SHOC2: variants seen among roughly 807,000 people sequenced by gnomAD.
SHOC2 encodes SHOC2 leucine rich repeat scaffold protein, also known as leucine-rich repeat protein SHOC-2.
Under a neutral mutation model 50.2 loss-of-function variants are expected in SHOC2, and 4 were observed. The ratio of observed to expected loss-of-function variants is 0.08; its 90% CI spans 0.04 to 0.18. SHOC2 has a LOEUF of 0.18. SHOC2 is among the 10% of genes least tolerant of loss of function. The pLI is 1.00. For synonymous variants in SHOC2, 218 were observed against 244.5 expected (o/e 0.89, Z 1.01); for missense variants, 388 against 669.6 (o/e 0.58, Z 4.64).
chr10:110,989,182 T>C (rs1848136138), intron 3 of SHOC2, among the ~76,000 whole-genome samples: 1 of 152,188 alleles, frequency 6.6e-6, no homozygotes, highest in South Asian at 2.1e-4. Flanking sequence ...TTGGGTGGAG[T>C]GATCCATAAA....
At chr10:110,956,735 A>G (rs1380371666) in intron 1 of SHOC2, among the ~76,000 whole-genome samples, 1 of 152,124 alleles carries the variant, frequency 6.6e-6, no homozygotes, top group Non-Finnish European at 1.5e-5. Context: ...TGCCTCTGTT[A>G]CCTTATATAA....
chr10:110,938,460 TA>T (rs1847071861), intron 1 of SHOC2, among the ~76,000 whole-genome samples: 2 of 152,122 alleles, frequency 1.3e-5, no homozygotes, highest in Admixed American at 6.5e-5. Context: ...ATTACATTTT[TA>T]ATAATTTATA....
chr10:110,978,011 G>T (rs1300628245), intron 2 of SHOC2, among the ~76,000 whole-genome samples: 1 of 152,154 alleles, frequency 6.6e-6, no homozygotes, highest in Non-Finnish European at 1.5e-5. Context: ...CTCCAGTTCT[G>T]CCTCCCAAAT....
At chr10:110,920,900 C>T (rs1015063300) in intron 1 of SHOC2, among the ~76,000 whole-genome samples, 1 of 152,160 alleles carries the variant, frequency 6.6e-6, no homozygotes, top group African/African-American at 2.4e-5. Context: ...TTCTTAGATA[C>T]CGAGTGCGTC....
chr10:110,967,315 A>G (rs1847694564), intron 2 of SHOC2, among the ~76,000 whole-genome samples: 1 of 152,238 alleles, frequency 6.6e-6, no homozygotes, highest in Non-Finnish European at 1.5e-5. Context: ...TCTCCCCACA[A>G]TCTAGAAAAA....
intron 2 of SHOC2, among the ~76,000 whole-genome samples, chr10:110,978,327 T>C (rs1161313194): frequency 1.3e-5 from 2 of 152,232 alleles, no homozygotes; most frequent in African/African-American, 4.8e-5. Flanking sequence ...TAGCTAATAC[T>C]GTAACTCCTG....
chr10:110,928,960 A>G (rs1191505344), intron 1 of SHOC2, among the ~76,000 whole-genome samples: 1 of 152,180 alleles, frequency 6.6e-6, no homozygotes, highest in Non-Finnish European at 1.5e-5. Flanking sequence ...TGCATATGAA[A>G]AAACTTTCCT....
At chr10:110,947,352 A>G (rs933474383) in intron 1 of SHOC2, among the ~76,000 whole-genome samples, 4 of 152,234 alleles carry the variant, frequency 2.6e-5, no homozygotes, top group Admixed American at 1.3e-4. Context: ...CTCGTGGACT[A>G]TGCCAGCCAT....
chr10:110,932,846 A>G (rs755911144), intron 1 of SHOC2, among the ~76,000 whole-genome samples: 1 of 152,236 alleles, frequency 6.6e-6, no homozygotes, highest in African/African-American at 2.4e-5. Context: ...TAAGTGCATT[A>G]CACTTAGTAT....
intron 1 of SHOC2, among the ~76,000 whole-genome samples, chr10:110,946,527 C>T (rs913866058): frequency 1.3e-5 from 2 of 151,270 alleles, no homozygotes; most frequent in African/African-American, 4.9e-5. Context: ...AAAAATAAAG[C>T]AGGGTAAAAA....
intron 1 of SHOC2, among the ~76,000 whole-genome samples, chr10:110,959,256 G>C (rs1847528250): frequency 6.6e-6 from 1 of 152,186 alleles, no homozygotes; most frequent in South Asian, 2.1e-4. Context: ...ACCAAGATCA[G>C]TATGAGTATC....
intron 1 of SHOC2, among the ~76,000 whole-genome samples, chr10:110,955,966 G>T (rs559950271): frequency 6.6e-6 from 1 of 152,292 alleles, no homozygotes; most frequent in South Asian, 2.1e-4. Flanking sequence ...AAAATTGGAA[G>T]ATATGACAGA....
intron 2 of SHOC2, among the ~76,000 whole-genome samples, chr10:110,978,449 C>T (rs1304659033): frequency 1.3e-5 from 2 of 152,152 alleles, no homozygotes; most frequent in African/African-American, 4.8e-5. Context: ...AAGGGTGATG[C>T]TATTTGGTTA....
chr10:110,949,224 A>G (rs1425800502), intron 1 of SHOC2, among the ~76,000 whole-genome samples: 1 of 152,202 alleles, frequency 6.6e-6, no homozygotes, highest in Non-Finnish European at 1.5e-5. Flanking sequence ...ATGCAAAAAA[A>G]GGACTCAATT....
intron 4 of SHOC2, among the ~76,000 whole-genome samples, chr10:111,001,946 G>A (rs967384452): frequency 2.0e-5 from 3 of 152,152 alleles, no homozygotes; most frequent in African/African-American, 4.8e-5. Flanking sequence ...GGCTGAGGTA[G>A]GGGAATGGCT....
intron 1 of SHOC2, among the ~76,000 whole-genome samples, chr10:110,921,270 T>C (rs537792676): frequency 4.6e-5 from 7 of 152,334 alleles, no homozygotes; most frequent in Admixed American, 3.9e-4. Flanking sequence ...TCGCCACATA[T>C]GGAACTTAGA....
In SHOC2 at chr10:110,952,135, G is replaced by GT. The variant is rs1045965902; in HGVS notation, c.-234-11983dup. Among the ~76,000 whole-genome samples the GT allele has an allele frequency of 1.1e-4, 17 of 151,712 alleles. No individual in the cohort carries two copies. In the East Asian group the frequency reaches 2.1e-3, roughly 19 times the overall value. On this transcript the variant is annotated intron_variant, in intron 1 of 8. Transcript: ENST00000369452. ...TTAATTTTTTGCCTTTTTACGTTTT[G>GT]TTTTTTTCAGCTTTTAATAAAGCAG... is the stretch of plus-strand genomic sequence containing the variant.
At chr10:110,991,369 T>C (rs1485009327) in intron 3 of SHOC2, among the ~76,000 whole-genome samples, 1 of 152,184 alleles carries the variant, frequency 6.6e-6, no homozygotes, top group African/African-American at 2.4e-5. Context: ...GATGTTATCC[T>C]AGAATAACAC....
chr10:110,925,766 A>G (rs569166477), intron 1 of SHOC2, among the ~76,000 whole-genome samples: 1 of 152,298 alleles, frequency 6.6e-6, no homozygotes, highest in East Asian at 1.9e-4. Flanking sequence ...CTTTCATGCA[A>G]TATAATTTAA....
Sources: gnomAD v4.1 joint callset for allele counts (sites outside exome capture counted in the v4.1 genomes callset) on GRCh38, gnomAD v4.1.1 for gene constraint, MANE v1.5 for transcripts, NCBI Gene and HGNC (gene_info 2026-07-23, HGNC 2026-07-21) for gene names.